ZFP1: variants seen among roughly 807,000 people sequenced by gnomAD.
ZFP1 encodes zinc finger protein 1 homolog.
A neutral mutation model predicts 38.5 loss-of-function variants in ZFP1; 32 were observed. That is an observed-to-expected ratio of 0.83 (90% CI 0.63 to 1.12). The LOEUF is 1.12. ZFP1 is among the 50% of genes most tolerant of loss of function. The pLI is 0.00. For synonymous variants in ZFP1, 245 were observed against 168.8 expected (o/e 1.45, Z -3.50); for missense variants, 616 against 480.8 (o/e 1.28, Z -2.63).
the ZFP1 span, among the ~76,000 whole-genome samples, chr16:75,141,027 G>A: frequency 2.0e-5 from 3 of 151,992 alleles, no homozygotes; most frequent in Non-Finnish European, 4.4e-5. Flanking sequence ...TAATCATTTT[G>A]AAACCTGGCA....
chr16:75,163,687 C>T (rs2037910209), intron 2 of ZFP1, among the ~76,000 whole-genome samples: 1 of 151,604 alleles, frequency 6.6e-6, no homozygotes, highest in Non-Finnish European at 1.5e-5. Flanking sequence ...TCACGGTTCA[C>T]TGTAGCCTTG....
chr16:75,143,465 C>T, the ZFP1 span, among the ~76,000 whole-genome samples: 5 of 151,278 alleles, frequency 3.3e-5, no homozygotes, highest in East Asian at 9.8e-4. Flanking sequence ...AGGCTGGTCT[C>T]GAACTCTTGA....
At position 75,169,293 on chromosome 16, in the gene ZFP1, A is replaced by G. The variant is rs781545633; in HGVS notation, c.183A>G (p.Arg61=). The change falls in exon 4 of 4, where the codon AGA becomes AGG. Residue 61 remains arginine, a synonymous_variant. Coordinates refer to ENST00000570010, the MANE Select transcript of ZFP1 (RefSeq NM_153688.4). ...KADDQMERDH[R]NPDEQARQFL... ...ATGACCAGATGGAGAGAGACCACAG[A>G]AACCCAGACGAGCAGGCGAGGCAAT... 8 of 1,613,738 alleles carry G rather than the reference A, an allele frequency of 5.0e-6. No homozygotes were observed. The East Asian group carries it at 6.7e-5, about 13-fold the overall frequency.
chr16:75,169,528 G>T lies in ZFP1; in HGVS notation c.418G>T (p.Ala140Ser). 5.0e-6 allele frequency: 8 copies of T among 1,613,058 alleles called. No homozygotes were observed. Among genetic ancestry groups the T allele is most frequent in the Non-Finnish European group, 6.8e-6 (8 of 1,179,844 alleles). Residue 140 changes from alanine (A) to serine (S), a missense_variant, in exon 4 of 4, where the codon GCA becomes TCA. Physicochemically the swap from Ala to Ser is moderately conservative, Grantham distance 99. Coordinates refer to ENST00000570010, the MANE Select transcript of ZFP1 (RefSeq NM_153688.4). ...QTDECNEFGK[A>S]LLYLKQEKTH... ...TGATGAGTGTAATGAATTTGGAAAA[G>T]CACTTCTCTACCTGAAGCAAGAGAA...
At chr16:75,127,559 G>A in the ZFP1 span, among the ~76,000 whole-genome samples, 215 of 152,234 alleles carry the variant, frequency 1.4e-3, no homozygotes, top group African/African-American at 4.8e-3. Flanking sequence ...GGCCTCAAGA[G>A]ATCCGCTGGC....
At chr16:75,143,779 G>A (rs1206472676), upstream of ZFP1, among the ~76,000 whole-genome samples, 1 of 149,968 alleles carries the variant, frequency 6.7e-6, no homozygotes, top group Non-Finnish European at 1.5e-5. Context: ...AGCTTCCAGA[G>A]TAGCTGGAAC....
intron 2 of ZFP1, among the ~76,000 whole-genome samples, chr16:75,156,654 G>T (rs1441743266): frequency 6.6e-6 from 1 of 152,190 alleles, no homozygotes; most frequent in Non-Finnish European, 1.5e-5. Context: ...GACAGGGTCA[G>T]AGTGTAGACT....
intron 2 of ZFP1, among the ~76,000 whole-genome samples, chr16:75,163,702 C>T (rs146404237): frequency 1.6e-3 from 236 of 151,908 alleles, no homozygotes; most frequent in African/African-American, 5.5e-3. Context: ...GCCTTGACCT[C>T]CCAGGCCCAA....
At chr16:75,133,137 C>G in the ZFP1 span, among the ~76,000 whole-genome samples, 1 of 151,702 alleles carries the variant, frequency 6.6e-6, no homozygotes. Flanking sequence ...GCCACCACGC[C>G]CAGCTAATTT....
chr16:75,163,198 C>T (rs769152418), intron 2 of ZFP1, among the ~76,000 whole-genome samples: 4 of 151,766 alleles, frequency 2.6e-5, no homozygotes, highest in East Asian at 2.0e-4. Context: ...TGAGCCATTG[C>T]GCCCGGCCAA....
Position 75,169,474 on chromosome 16 carries a change from A to G in ZFP1, c.364A>G (p.Ser122Gly), listed in dbSNP as rs761923195. 1.9e-6 allele frequency: 3 copies of G among 1,612,750 alleles called. No homozygotes were observed. Among genetic ancestry groups the G allele is most frequent in the Non-Finnish European group, 1.7e-6 (2 of 1,179,766 alleles). The stretch of plus-strand genomic sequence containing the variant: ...GAAATATAATTCAGACTTGCTTAAT[A>G]GTAATAGAAGCTATGCAGGAAAGCA... ...TLKYNSDLLN[S>G]NRSYAGKQTD... Residue 122 changes from serine to glycine, a missense_variant, in exon 4 of 4, where the codon AGT (serine) becomes GGT (glycine). Ser to Gly is a moderately conservative substitution (Grantham distance 56). Transcript: ENST00000570010.
the ZFP1 span, among the ~76,000 whole-genome samples, chr16:75,140,366 C>T: frequency 1.3e-5 from 2 of 151,634 alleles, no homozygotes; most frequent in African/African-American, 2.4e-5. Flanking sequence ...CTCAGGAGTT[C>T]GAGACCAGCC....
At chr16:75,136,352 G>A in the ZFP1 span, among the ~76,000 whole-genome samples, 4 of 152,108 alleles carry the variant, frequency 2.6e-5, no homozygotes, top group Admixed American at 1.3e-4. Context: ...GTTTTTTGCA[G>A]GGATACTCGT....
chr16:75,167,008 A>C lies in ZFP1; in HGVS notation c.142+112A>C. The C allele has an allele frequency of 3.3e-6, 5 of 1,514,462 alleles. No individual in the cohort carries two copies. The South Asian group carries it at 6.7e-5, about 20-fold the overall frequency. The allele number at this position is 1,514,462 out of a possible 1,614,324, so 93.8% of individuals were successfully genotyped here. ...CTAAATGTTTTTGGCCTAAGTCCTC[A>C]GGTATTAAACCTGAGAGATCTTGCA... On this transcript the variant is annotated intron_variant, in intron 3 of 3. Transcript: ENST00000570010.
chr16:75,119,756 C>T, the ZFP1 span, among the ~76,000 whole-genome samples: 1 of 152,008 alleles, frequency 6.6e-6, no homozygotes, highest in African/African-American at 2.4e-5. Context: ...CAGTCTTTTT[C>T]CCATTGGGTT....
chr16:75,166,836 T>G lies in ZFP1; in HGVS notation c.82T>G (p.Ser28Ala). The change falls in exon 3 of 4, where the codon TCT (serine) becomes GCT (alanine). Residue 28 changes from serine to alanine, a missense_variant. Transcript: ENST00000570010. Reference protein sequence around the residue: ...TQEEWEQLDPSQRILYMDVML... With the variant: ...TQEEWEQLDPAQRILYMDVML... ...GGAGGAATGGGAACAACTGGACCCC[T>G]CTCAGAGGATCCTATACATGGATGT... 1 of 1,614,160 alleles carries G rather than the reference T, an allele frequency of 6.2e-7. No individual in the cohort carries two copies. Among genetic ancestry groups the G allele is most frequent in the Non-Finnish European group, 8.5e-7 (1 of 1,180,022 alleles).
At chr16:75,142,452 T>C in the ZFP1 span, among the ~76,000 whole-genome samples, 269 of 152,266 alleles carry the variant, frequency 1.8e-3, no homozygotes, top group African/African-American at 6.3e-3. Flanking sequence ...TTGGACCTAG[T>C]AGCTGCTGAA....
chr16:75,167,119 C>T (rs1004968086), intron 3 of ZFP1, among the ~76,000 whole-genome samples: 5 of 152,174 alleles, frequency 3.3e-5, no homozygotes. Context: ...AAATGGCTGT[C>T]AAGCCATATG....
intron 3 of ZFP1, among the ~76,000 whole-genome samples, chr16:75,168,105 C>G (rs1159318059): frequency 6.6e-6 from 1 of 152,064 alleles, no homozygotes; most frequent in Non-Finnish European, 1.5e-5. Context: ...GATCCTCCTG[C>G]CTTGGCCTCC....
Sources: gnomAD v4.1 joint callset for allele counts (sites outside exome capture counted in the v4.1 genomes callset) on GRCh38, gnomAD v4.1.1 for gene constraint, MANE v1.5 for transcripts, NCBI Gene and HGNC (gene_info 2026-07-23, HGNC 2026-07-21) for gene names.